Variants in ATF6 observed in about 807,000 individuals in gnomAD.
ATF6 encodes activating transcription factor 6, also known as cyclic AMP-dependent transcription factor ATF-6 alpha.
Under a neutral mutation model 83.6 loss-of-function variants are expected in ATF6, and 53 were observed. That is an observed-to-expected ratio of 0.63 (90% CI 0.51 to 0.80). ATF6 has a LOEUF of 0.80. Among genes scored for constraint, ATF6 ranks in the 30% least tolerant of loss-of-function variants. The probability of loss-of-function intolerance (pLI) is 0.00; values close to 1 mark genes in which losing one functional copy is unlikely to be tolerated. For missense variants in ATF6, 744 were observed against 797.9 expected (o/e 0.93, Z 0.81); for synonymous variants, 288 against 285.8 (o/e 1.01, Z -0.08).
chr1:161,908,863 C>A (rs186435564), intron 14 of ATF6, among the ~76,000 whole-genome samples: 1 of 152,200 alleles, frequency 6.6e-6, no homozygotes, highest in East Asian at 1.9e-4. Context: ...AATTTTACCT[C>A]CAGAATTGAA....
intron 12 of ATF6, among the ~76,000 whole-genome samples, chr1:161,859,386 G>C (rs547452626): frequency 6.6e-6 from 1 of 152,160 alleles, no homozygotes; most frequent in Non-Finnish European, 1.5e-5. Context: ...GTTAAACTGC[G>C]AGCTTCTTAA....
chr1:161,930,035 T>C (rs1688400360), intron 15 of ATF6, among the ~76,000 whole-genome samples: 1 of 152,316 alleles, frequency 6.6e-6, no homozygotes, highest in East Asian at 1.9e-4. Context: ...AGTATCCTCA[T>C]CTATAAAATG....
At chr1:161,787,246 A>T (rs1027700) in intron 4 of ATF6, among the ~76,000 whole-genome samples, 31,685 of 152,232 alleles carry the variant, frequency 0.21, 4,123 homozygotes, top group Non-Finnish European at 0.29. Context: ...AAGACTATGT[A>T]AAAATATCCT....
At chr1:161,880,943 A>C (rs1391617903) in intron 14 of ATF6, among the ~76,000 whole-genome samples, 1 of 152,086 alleles carries the variant, frequency 6.6e-6, no homozygotes, top group Non-Finnish European at 1.5e-5. Context: ...AGCCATTCTA[A>C]TAGAGGTATG....
chr1:161,847,470 G>A (rs79032796), intron 10 of ATF6, among the ~76,000 whole-genome samples: 1,976 of 152,214 alleles, frequency 0.013, 48 homozygotes, highest in African/African-American at 0.044. Flanking sequence ...GTGGAGTACA[G>A]TATGCCAAGT....
chr1:161,892,953 ACC>A (rs1687589542), intron 14 of ATF6, among the ~76,000 whole-genome samples: 1 of 150,946 alleles, frequency 6.6e-6, no homozygotes, highest in South Asian at 2.1e-4. Context: ...TTCTTTAAAG[ACC>A]CTAAAATGTG....
intron 7 of ATF6, among the ~76,000 whole-genome samples, chr1:161,812,560 T>G (rs927772948): frequency 6.6e-6 from 1 of 151,286 alleles, no homozygotes; most frequent in Non-Finnish European, 1.5e-5. Context: ...GCCCGGCTAA[T>G]TTTTGTATTT....
intron 15 of ATF6, among the ~76,000 whole-genome samples, chr1:161,931,273 TA>T (rs1688427532): frequency 6.6e-6 from 1 of 152,202 alleles, no homozygotes; most frequent in Non-Finnish European, 1.5e-5. Context: ...ACACTACTGT[TA>T]AAAAATTCTT....
chr1:161,870,272 G>A (rs184356093), intron 14 of ATF6, among the ~76,000 whole-genome samples: 1 of 151,900 alleles, frequency 6.6e-6, no homozygotes, highest in East Asian at 1.9e-4. Context: ...AATAGATTAT[G>A]CTTTCATAAT....
At chr1:161,894,476 T>G (rs945757510) in intron 14 of ATF6, among the ~76,000 whole-genome samples, 1 of 149,948 alleles carries the variant, frequency 6.7e-6, no homozygotes, top group African/African-American at 2.4e-5. Context: ...CTGAATCGTT[T>G]ATAAATTTTT....
At chr1:161,887,724 G>T (rs1261902112) in intron 14 of ATF6, among the ~76,000 whole-genome samples, 1 of 152,102 alleles carries the variant, frequency 6.6e-6, no homozygotes, top group Non-Finnish European at 1.5e-5. Context: ...CCCCAGAATC[G>T]CTTCTTCACA....
chr1:161,797,393 A>G (rs977425427), intron 6 of ATF6, among the ~76,000 whole-genome samples: 1 of 152,180 alleles, frequency 6.6e-6, no homozygotes, highest in African/African-American at 2.4e-5. Context: ...CTCTCTTCAC[A>G]GACGATATGA....
At chr1:161,841,713 C>CA (rs1686362533) in intron 9 of ATF6, among the ~76,000 whole-genome samples, 1 of 151,976 alleles carries the variant, frequency 6.6e-6, no homozygotes, top group South Asian at 2.1e-4. Context: ...CTCCTTAACT[C>CA]AAAAAAGGCT....
intron 14 of ATF6, among the ~76,000 whole-genome samples, chr1:161,868,880 A>G (rs528339322): frequency 1.3e-5 from 2 of 152,226 alleles, no homozygotes; most frequent in South Asian, 4.1e-4. Context: ...ACAGCTTTCT[A>G]TGTCAGTAAG....
intron 15 of ATF6, among the ~76,000 whole-genome samples, chr1:161,953,077 G>A (rs1312706798): frequency 6.6e-6 from 1 of 152,132 alleles, no homozygotes; most frequent in Non-Finnish European, 1.5e-5. Flanking sequence ...TAGATGAGCA[G>A]TGTTTAGCAC....
At chr1:161,831,366 A>C (rs1019634575) in intron 9 of ATF6, among the ~76,000 whole-genome samples, 31 of 152,310 alleles carry the variant, frequency 2.0e-4, no homozygotes, top group African/African-American at 7.0e-4. Context: ...ATTAGTTCAA[A>C]CATTGTGGAA....
At chr1:161,855,014 T>C (rs554426522) in intron 12 of ATF6, among the ~76,000 whole-genome samples, 126 of 151,856 alleles carry the variant, frequency 8.3e-4, no homozygotes, top group African/African-American at 2.8e-3. Flanking sequence ...GTAGATGAGA[T>C]TGGAGAGGCA....
chr1:161,940,246 T>C (rs1688617029), intron 15 of ATF6, among the ~76,000 whole-genome samples: 1 of 152,194 alleles, frequency 6.6e-6, no homozygotes, highest in Non-Finnish European at 1.5e-5. Flanking sequence ...TCTCATCAGA[T>C]CTATCTTCCA....
chr1:161,900,259 C>A (rs1687755434), intron 14 of ATF6, among the ~76,000 whole-genome samples: 2 of 152,106 alleles, frequency 1.3e-5, no homozygotes, highest in African/African-American at 4.8e-5. Flanking sequence ...AGGAACGTAA[C>A]TCTCATTTAT....
Sources: gnomAD v4.1 joint callset for allele counts (sites outside exome capture counted in the v4.1 genomes callset) on GRCh38, gnomAD v4.1.1 for gene constraint, MANE v1.5 for transcripts, NCBI Gene and HGNC (gene_info 2026-07-23, HGNC 2026-07-21) for gene names.